TAB2: variants seen among roughly 807,000 people sequenced by gnomAD.
TAB2 encodes TGF-beta activated kinase 1 (MAP3K7) binding protein 2.
Under a neutral mutation model 65.0 loss-of-function variants are expected in TAB2, and 3 were observed. The observed-to-expected ratio is 0.05, with a 90% CI of 0.02 to 0.12. TAB2 has a LOEUF of 0.12. Ranked by LOEUF, TAB2 falls within the 10% of genes least tolerant of loss-of-function variation. The pLI is 1.00. For synonymous variants in TAB2, 298 were observed against 285.1 expected, an observed-to-expected ratio of 1.05 and a Z score of -0.46; for missense variants, 623 against 840.3, an observed-to-expected ratio of 0.74 and a Z score of 3.20.
At chr6:149,373,597 TA>T (rs1304417170) in intron 2 of TAB2, among the ~76,000 whole-genome samples, 1 of 152,184 alleles carries the variant, frequency 6.6e-6, no homozygotes, top group Non-Finnish European at 1.5e-5. Context: ...CCATAGGGTA[TA>T]TATGCTTTGA....
intron 1 of TAB2, among the ~76,000 whole-genome samples, chr6:149,299,046 G>T (rs1477314865): frequency 6.6e-6 from 1 of 152,106 alleles, no homozygotes; most frequent in Non-Finnish European, 1.5e-5. Flanking sequence ...AAATGAATAT[G>T]GGAGTTATTT....
intron 1 of TAB2, among the ~76,000 whole-genome samples, chr6:149,330,544 C>T (rs1042189733): frequency 1.3e-5 from 2 of 152,156 alleles, no homozygotes; most frequent in African/African-American, 4.8e-5. Flanking sequence ...TGATGTTGAA[C>T]ATATTTTCAT....
intron 1 of TAB2, among the ~76,000 whole-genome samples, chr6:149,309,875 TGG>T (rs369924828): frequency 8.1e-5 from 9 of 110,764 alleles, no homozygotes; most frequent in African/African-American, 4.0e-4. Flanking sequence ...TGTGTGTGTG[TGG>T]GTGTGGGTGT....
chr6:149,260,108 G>A (rs1353465788), intron 1 of TAB2, among the ~76,000 whole-genome samples: 1 of 152,308 alleles, frequency 6.6e-6, no homozygotes, highest in African/African-American at 2.4e-5. Flanking sequence ...TCTGGGAAGG[G>A]ATAGTTGGAT....
intron 5 of TAB2, 112 bp from the exon 6 acceptor site, chr6:149,398,992 A>G: frequency 1.1e-6 from 1 of 916,764 alleles, no homozygotes; most frequent in Admixed American, 2.3e-5. Flanking sequence ...GGCAAAATAA[A>G]TGAAAAGCAT....
At chr6:149,323,127 T>C (rs1011846801) in intron 1 of TAB2, among the ~76,000 whole-genome samples, 1 of 152,164 alleles carries the variant, frequency 6.6e-6, no homozygotes, top group Non-Finnish European at 1.5e-5. Context: ...TACAGCTCTT[T>C]TTGTAGTAAA....
chr6:149,301,180 G>A (rs1448376729), intron 1 of TAB2, among the ~76,000 whole-genome samples: 2 of 152,156 alleles, frequency 1.3e-5, no homozygotes, highest in East Asian at 1.9e-4. Flanking sequence ...ACATTACCAG[G>A]GACAAATCCC....
chr6:149,363,734 G>A (rs183333158), intron 1 of TAB2, among the ~76,000 whole-genome samples: 3 of 151,850 alleles, frequency 2.0e-5, no homozygotes, highest in Admixed American at 6.6e-5. Flanking sequence ...TTTAATTAAC[G>A]CCAGTACCAC....
intron 6 of TAB2, chr6:149,400,566 A>G: frequency 3.1e-6 from 5 of 1,614,270 alleles, no homozygotes; most frequent in Non-Finnish European, 4.2e-6. Context: ...GAAGCAGATC[A>G]GATTCCGATT....
intron 1 of TAB2, among the ~76,000 whole-genome samples, chr6:149,240,762 A>C (rs1404338787): frequency 6.6e-6 from 1 of 152,194 alleles, no homozygotes; most frequent in African/African-American, 2.4e-5. Flanking sequence ...CATAAAGTCA[A>C]ATATATTTTA....
chr6:149,257,764 T>C (rs1778068578), intron 1 of TAB2, among the ~76,000 whole-genome samples: 1 of 152,104 alleles, frequency 6.6e-6, no homozygotes. Flanking sequence ...GCTCCCCTGA[T>C]AACTCCCCTA....
intron 1 of TAB2, among the ~76,000 whole-genome samples, chr6:149,350,944 T>C (rs1189472940): frequency 6.6e-6 from 1 of 152,292 alleles, no homozygotes; most frequent in East Asian, 1.9e-4. Context: ...CCTTGAAACC[T>C]TCATTCATCT....
chr6:149,305,467 A>T lies in TAB2; in HGVS notation c.-120-72551A>T, dbSNP rs1409505278. On this transcript the variant is annotated intron_variant, in intron 1 of 1. Transcript: ENST00000606202. ...ACAAGACTGTTCAGACTCAGGAACC[A>T]TTAAACACATAAAAGCACCTCCTAA... 5.3e-5 allele frequency among the ~76,000 whole-genome samples: 8 copies of T among 152,346 alleles called. No homozygotes were observed. The East Asian group carries it at 9.6e-4, about 18-fold the overall frequency.
intron 2 of TAB2, among the ~76,000 whole-genome samples, chr6:149,371,515 G>C (rs1781226062): frequency 6.6e-6 from 1 of 152,124 alleles, no homozygotes; most frequent in African/African-American, 2.4e-5. Flanking sequence ...TAGTATAATG[G>C]TTAAGAGCAT....
At chr6:149,268,686 C>T (rs1470193286) in intron 1 of TAB2, among the ~76,000 whole-genome samples, 5 of 152,148 alleles carry the variant, frequency 3.3e-5, no homozygotes, top group Non-Finnish European at 5.9e-5. Flanking sequence ...TTCTTCCTTT[C>T]GTATATGTAA....
intron 1 of TAB2, among the ~76,000 whole-genome samples, chr6:149,258,557 C>A (rs374813520): frequency 1.1e-4 from 16 of 152,278 alleles, no homozygotes; most frequent in Admixed American, 3.3e-4. Context: ...CTATTCTTTG[C>A]TGATCATGCA....
chr6:149,400,235 C>G (rs948541731), intron 6 of TAB2: 1 of 772,518 alleles, frequency 1.3e-6, no homozygotes, highest in African/African-American at 1.8e-5. Flanking sequence ...TGCTGGCGCA[C>G]ACAGCGGGAG....
At chr6:149,307,181 T>A (rs1313349027) in intron 1 of TAB2, among the ~76,000 whole-genome samples, 1 of 151,252 alleles carries the variant, frequency 6.6e-6, no homozygotes, top group Non-Finnish European at 1.5e-5. Context: ...GGCCCCCGAG[T>A]CTCACAAAAG....
intron 1 of TAB2, chr6:149,247,911 G>C (rs1368028689): frequency 6.6e-6 from 1 of 152,194 alleles, no homozygotes; most frequent in African/African-American, 2.4e-5. Context: ...GGCCTGTTGA[G>C]GGGTAGGGGC....
Sources: allele counts gnomAD v4.1 joint callset (sites outside exome capture counted in the v4.1 genomes callset), GRCh38; gene constraint gnomAD v4.1.1; transcripts MANE v1.5; gene names NCBI Gene and HGNC (gene_info 2026-07-23, HGNC 2026-07-21).